RXRG: variants seen among roughly 807,000 people sequenced by gnomAD.
RXRG encodes the protein retinoid X receptor gamma, also known as retinoic acid receptor RXR-gamma.
In RXRG, 19 loss-of-function variants were observed where a neutral mutation model predicts 49.2. The ratio of observed to expected loss-of-function variants is 0.39; its 90% confidence interval spans 0.27 to 0.57. The LOEUF is 0.57. Among genes scored for constraint, RXRG ranks in the 20% least tolerant of loss-of-function variants. RXRG has a pLI of 0.64. For missense variants in RXRG, 452 were observed against 592.5 expected (o/e 0.76, Z 2.46); for synonymous variants, 224 against 216.6 (o/e 1.03, Z -0.30).
chr1:165,409,895 T>TC (rs954647278), intron 6 of RXRG, among the ~76,000 whole-genome samples: 6 of 150,876 alleles, frequency 4.0e-5, no homozygotes, highest in African/African-American at 1.2e-4. Context: ...GCTCTGCACA[T>TC]CCCCCCACTC....
intron 1 of RXRG, among the ~76,000 whole-genome samples, chr1:165,437,592 A>G (rs547556260): frequency 4.4e-4 from 67 of 152,254 alleles, no homozygotes; most frequent in African/African-American, 1.6e-3. Context: ...AAATCCAGAG[A>G]CAGTAATGGA....
At chr1:165,410,655 G>T in intron 6 of RXRG, 47 bp downstream of exon 6, 1 of 1,608,850 alleles carries the variant, frequency 6.2e-7, no homozygotes, top group Non-Finnish European at 8.5e-7. Context: ...GATCCCAAGA[G>T]CAATTTCAAA....
At chr1:165,424,116 C>A (rs539494650) in intron 2 of RXRG, among the ~76,000 whole-genome samples, 1 of 152,330 alleles carries the variant, frequency 6.6e-6, no homozygotes, top group Admixed American at 6.5e-5. Context: ...CATACACACA[C>A]AAACACACTC....
chr1:165,426,469 G>T (rs1179580795), intron 2 of RXRG, among the ~76,000 whole-genome samples: 1 of 152,106 alleles, frequency 6.6e-6, no homozygotes, highest in Non-Finnish European at 1.5e-5. Flanking sequence ...GATCTCTAAG[G>T]CCGTCTCCAA....
chr1:165,405,476 C>T (rs765245711), intron 9 of RXRG, among the ~76,000 whole-genome samples: 12 of 152,258 alleles, frequency 7.9e-5, no homozygotes, highest in Non-Finnish European at 1.5e-4. Context: ...AGCTGGGCCA[C>T]GTGACTTGGC....
chr1:165,443,316 A>AAATGAACT (rs1212670413), intron 1 of RXRG, among the ~76,000 whole-genome samples: 1 of 152,180 alleles, frequency 6.6e-6, no homozygotes, highest in African/African-American at 2.4e-5. Flanking sequence ...CACCTCTTAC[A>AAATGAACT]AATGAACTAA....
chr1:165,436,145 G>T (rs568909052), intron 1 of RXRG, among the ~76,000 whole-genome samples: 2 of 152,272 alleles, frequency 1.3e-5, no homozygotes, highest in South Asian at 4.2e-4. Context: ...ACACAGAAGG[G>T]CCTGCAGATC....
chr1:165,413,575 G>T (rs1236501015), intron 4 of RXRG, among the ~76,000 whole-genome samples: 1 of 152,172 alleles, frequency 6.6e-6, no homozygotes, highest in Non-Finnish European at 1.5e-5. Context: ...ACTGGGCTAG[G>T]TCTATTAATA....
intron 2 of RXRG, among the ~76,000 whole-genome samples, chr1:165,420,412 C>A (rs1461589198): frequency 1.3e-5 from 2 of 152,142 alleles, no homozygotes; most frequent in Non-Finnish European, 2.9e-5. Context: ...GGAACTACGA[C>A]CCTCAGGCTA....
chr1:165,440,183 TA>T (rs1658937893), intron 1 of RXRG, among the ~76,000 whole-genome samples: 1 of 152,226 alleles, frequency 6.6e-6, no homozygotes, highest in Admixed American at 6.5e-5. Context: ...GAGCTGGGAT[TA>T]AAATCCAGAT....
At chr1:165,415,011 G>A (rs377235380) in intron 4 of RXRG, among the ~76,000 whole-genome samples, 3 of 152,170 alleles carry the variant, frequency 2.0e-5, no homozygotes, top group African/African-American at 4.8e-5. Context: ...TGAAGCCCCC[G>A]CCTTCATGGA....
In RXRG at chr1:165,406,779, G is replaced by A. The variant is rs754790316; in HGVS notation, c.1244+33C>T. On this transcript the variant is annotated intron_variant, in intron 9 of 9. Transcript: ENST00000359842. ...TAGATGAAGAGTGGGAGTAGTTGCT[G>A]CTGTTACTACGATTCTGCCAGCACT... The A allele has an allele frequency of 2.0e-6, 3 of 1,476,384 alleles. No homozygotes were observed. The Admixed American group carries it at 5.0e-5, about 25-fold the overall frequency. The allele number at this position is 1,476,384 out of a possible 1,614,324, so 91.5% of individuals were successfully genotyped here.
intron 1 of RXRG, among the ~76,000 whole-genome samples, chr1:165,442,030 G>A (rs958927335): frequency 6.6e-5 from 10 of 152,190 alleles, no homozygotes; most frequent in African/African-American, 2.4e-4. Flanking sequence ...TTTCCAAAAG[G>A]TGACTTTGCT....
At chr1:165,407,700 C>T (rs1557909914) in intron 8 of RXRG, among the ~76,000 whole-genome samples, 1 of 152,210 alleles carries the variant, frequency 6.6e-6, no homozygotes, top group Non-Finnish European at 1.5e-5. Context: ...TGGGCAGCCA[C>T]TCTTGGATAT....
rs1225707670 is a variant in RXRG, at chr1:165,411,028, G to T, written c.704C>A (p.Pro235His). The change falls in exon 5 of 10, where the codon CCT becomes CAT. Residue 235 changes from proline (P) to histidine (H), a missense_variant. Around this residue, in one of 2 missense-constraint regions of RXRG, gnomAD observed 286 missense variants for 440.9 expected, o/e 0.65. Coordinates refer to ENST00000359842, the MANE Select transcript of RXRG (RefSeq NM_006917.5). ...ECATSGHEDM[P>H]VERILEAELA... ...TTCAGCTTCTAGAATCCTCTCCACA[G>T]GCATGTCTTCATGACCACTGGTAGC... 6.2e-7 allele frequency: 1 copy of T among 1,614,102 alleles called. No homozygotes were observed.
At chr1:165,410,855 G>A (rs755099641) in intron 5 of RXRG, 24 bp from the exon 6 acceptor site, 43 of 1,613,882 alleles carry the variant, frequency 2.7e-5, no homozygotes, top group Middle Eastern at 1.6e-4. Flanking sequence ...AAAGTACTGT[G>A]AGGCACAGGT....
chr1:165,425,432 G>C (rs1368785494), intron 2 of RXRG, among the ~76,000 whole-genome samples: 1 of 152,196 alleles, frequency 6.6e-6, no homozygotes, highest in Admixed American at 6.5e-5. Context: ...ACCTAGGACA[G>C]TATCAATTAG....
chr1:165,410,139 A>G (rs547615420), intron 6 of RXRG, among the ~76,000 whole-genome samples: 1 of 152,298 alleles, frequency 6.6e-6, no homozygotes, highest in East Asian at 1.9e-4. Flanking sequence ...GCTGACACTC[A>G]GTGAGTGCTC....
intron 1 of RXRG, among the ~76,000 whole-genome samples, chr1:165,430,519 C>G (rs942304133): frequency 6.6e-6 from 1 of 152,194 alleles, no homozygotes; most frequent in Non-Finnish European, 1.5e-5. Context: ...TAGTTGAGGG[C>G]TACTTGTGGA....
Sources: gnomAD v4.1 joint callset for allele counts (sites outside exome capture counted in the v4.1 genomes callset) on GRCh38, gnomAD v4.1.1 for gene constraint, gnomAD v4.1.1 regional missense constraint, MANE v1.5 for transcripts, NCBI Gene and HGNC (gene_info 2026-07-23, HGNC 2026-07-21) for gene names.